Variants in AANAT observed in about 807,000 individuals in gnomAD.
AANAT encodes aralkylamine N-acetyltransferase.
A neutral mutation model predicts 15.6 loss-of-function variants in AANAT; 11 were observed. The observed-to-expected ratio is 0.71, with a 90% CI of 0.44 to 1.17. The LOEUF is 1.17. Ranked by LOEUF, AANAT falls within the 50% of genes most tolerant of loss-of-function variation. The pLI is 0.00. For missense variants in AANAT, 286 were observed against 296.3 expected (o/e 0.97, Z 0.26); for synonymous variants, 139 against 131.5 (o/e 1.06, Z -0.39).
chr17:76,467,308 T>C (rs1162613080), upstream of AANAT, among the ~76,000 whole-genome samples: 1 of 152,132 alleles, frequency 6.6e-6, no homozygotes, highest in Non-Finnish European at 1.5e-5. Flanking sequence ...GAGGTGGGCT[T>C]GTCCAAGACT....
intron 2 of AANAT, among the ~76,000 whole-genome samples, chr17:76,461,928 C>T (rs1249366136): frequency 6.6e-6 from 1 of 152,130 alleles, no homozygotes; most frequent in Non-Finnish European, 1.5e-5. Context: ...GGTTGAATTC[C>T]CAACCTTAAT....
At chr17:76,460,871 C>T (rs905910336) in intron 2 of AANAT, among the ~76,000 whole-genome samples, 3 of 152,208 alleles carry the variant, frequency 2.0e-5, no homozygotes, top group African/African-American at 4.8e-5. Flanking sequence ...CCCACCTCAA[C>T]GGAAGACTCT....
At chr17:76,465,185 C>A (rs1421616953), upstream of AANAT, among the ~76,000 whole-genome samples, 1 of 152,116 alleles carries the variant, frequency 6.6e-6, no homozygotes, top group Admixed American at 6.6e-5. Flanking sequence ...CCCCCCCATC[C>A]CCAAGATCCA....
chr17:76,456,483 G>A (rs2073344797), intron 1 of AANAT, among the ~76,000 whole-genome samples: 1 of 152,216 alleles, frequency 6.6e-6, no homozygotes, highest in Admixed American at 6.5e-5. Flanking sequence ...TATCTACTAA[G>A]ATATAGAACA....
At chr17:76,461,143 C>T (rs764059449) in intron 2 of AANAT, among the ~76,000 whole-genome samples, 148 of 150,256 alleles carry the variant, frequency 9.8e-4, no homozygotes, top group Admixed American at 1.9e-3. Context: ...CCAGCCTGGG[C>T]GACAGAGTGA....
chr17:76,457,483 T>TTG (rs1265833143), intron 1 of AANAT, among the ~76,000 whole-genome samples: 1 of 152,228 alleles, frequency 6.6e-6, no homozygotes, highest in Non-Finnish European at 1.5e-5. Context: ...GGAAGACGTG[T>TTG]TGTGTTTATT....
upstream of AANAT, chr17:76,466,193 G>A: frequency 3.9e-6 from 6 of 1,536,928 alleles, no homozygotes; most frequent in Non-Finnish European, 5.2e-6. Context: ...AGTCTATGAA[G>A]GGACAGAAGA....
chr17:76,453,514 T>G, exon 1 of AANAT: 1 of 180,406 alleles, frequency 5.5e-6, no homozygotes, highest in African/African-American at 2.4e-5. Context: ...TTTAATGAGC[T>G]CCCTTGGCGT....
chr17:76,454,771 C>T (rs1036651015), intron 1 of AANAT, among the ~76,000 whole-genome samples: 5 of 151,816 alleles, frequency 3.3e-5, no homozygotes, highest in South Asian at 2.1e-4. Context: ...TGCAGTGAGC[C>T]GAGATCATGC....
At chr17:76,460,500 A>G (rs1193605984) in intron 2 of AANAT, among the ~76,000 whole-genome samples, 7 of 151,670 alleles carry the variant, frequency 4.6e-5, no homozygotes, top group African/African-American at 7.3e-5. Context: ...AGGTCTCACT[A>G]TATTGGCCGG....
intron 2 of AANAT, among the ~76,000 whole-genome samples, chr17:76,460,005 C>A (rs570401538): frequency 8.5e-5 from 13 of 152,282 alleles, no homozygotes; most frequent in Non-Finnish European, 1.9e-4. Context: ...TGTGGCTCCC[C>A]AGGGTCCACC....
intron 1 of AANAT, among the ~76,000 whole-genome samples, chr17:76,454,929 C>T (rs1245999633): frequency 6.6e-6 from 1 of 152,028 alleles, no homozygotes; most frequent in Non-Finnish European, 1.5e-5. Flanking sequence ...GAGTTCAAGA[C>T]CAGCCTGGCC....
At chr17:76,459,885 G>A (rs1038278127) in intron 2 of AANAT, among the ~76,000 whole-genome samples, 3 of 152,166 alleles carry the variant, frequency 2.0e-5, no homozygotes, top group Non-Finnish European at 2.9e-5. Context: ...CCTAGACCTC[G>A]GCTGTAGGCC....
chr17:76,463,772 C>A (rs2073411392), upstream of AANAT, among the ~76,000 whole-genome samples: 2 of 152,204 alleles, frequency 1.3e-5, no homozygotes, highest in African/African-American at 4.8e-5. Context: ...CTGTTAATAA[C>A]TCCTTTCCCT....
chr17:76,460,129 A>ATTTTTTTTTTTTTTTTTTTTTTT (rs1567863927), intron 2 of AANAT, among the ~76,000 whole-genome samples: 1 of 82,888 alleles, frequency 1.2e-5, no homozygotes. Flanking sequence ...TACTTCAGGA[A>ATTTTTTTTTTTTTTTTTTTTTTT]ATTTTTTTTT....
upstream of AANAT, among the ~76,000 whole-genome samples, chr17:76,464,872 T>C (rs1299986021): frequency 6.6e-6 from 1 of 151,956 alleles, no homozygotes; most frequent in Non-Finnish European, 1.5e-5. Context: ...CTTGGCTCAC[T>C]GCAACCTCTG....
upstream of AANAT, among the ~76,000 whole-genome samples, chr17:76,464,341 TA>T (rs553446724): frequency 6.0e-3 from 804 of 133,402 alleles, 2 homozygotes; most frequent in Middle Eastern, 7.8e-3. Context: ...GACTCTGTCT[TA>T]AAAAAAAAAA....
upstream of AANAT, chr17:76,465,988 T>C: frequency 1.6e-6 from 1 of 611,488 alleles, no homozygotes; most frequent in Non-Finnish European, 3.0e-6. Flanking sequence ...GTGCTGGGAT[T>C]ACAGCGGTGA....
At chr17:76,462,916 C>T (rs958639775), upstream of AANAT, among the ~76,000 whole-genome samples, 1 of 152,246 alleles carries the variant, frequency 6.6e-6, no homozygotes, top group Non-Finnish European at 1.5e-5. Context: ...GTCAAGGTGT[C>T]CCTGGGACAT....
Sources: allele counts gnomAD v4.1 joint callset (sites outside exome capture counted in the v4.1 genomes callset), GRCh38; gene constraint gnomAD v4.1.1; transcripts MANE v1.5; gene names NCBI Gene and HGNC (gene_info 2026-07-23, HGNC 2026-07-21).